GNE: variants seen among roughly 807,000 people sequenced by gnomAD.
GNE encodes glucosamine (UDP-N-acetyl)-2-epimerase/N-acetylmannosamine kinase, also known as bifunctional UDP-N-acetylglucosamine 2-epimerase/N-acetylmannosamine kinase.
GNE carries 41 observed loss-of-function variants against 61.8 expected under a neutral mutation model. The observed-to-expected ratio is 0.66, with a 90% CI of 0.52 to 0.86. The LOEUF is 0.86. Ranked by LOEUF, GNE falls within the 40% of genes least tolerant of loss-of-function variation. GNE has a pLI of 0.00. For synonymous variants in GNE, 264 were observed against 326.4 expected, an observed-to-expected ratio of 0.81 and a Z score of 2.06; for missense variants, 608 against 909.1, an observed-to-expected ratio of 0.67 and a Z score of 4.26.
intron 7 of GNE, among the ~76,000 whole-genome samples, chr9:36,224,261 G>A (rs1481780366): frequency 6.6e-6 from 1 of 151,752 alleles, no homozygotes; most frequent in Non-Finnish European, 1.5e-5. Context: ...GGGAGGTACA[G>A]TGAGACCTCC....
At chr9:36,260,665 CGAG>C (rs1443456546), upstream of GNE, among the ~76,000 whole-genome samples, 18 of 151,806 alleles carry the variant, frequency 1.2e-4, no homozygotes, top group African/African-American at 4.3e-4. Context: ...GTGAGGAGAT[CGAG>C]ACCATCCTGG....
chr9:36,254,494 C>T (rs989020365), intron 1 of GNE, among the ~76,000 whole-genome samples: 9 of 151,226 alleles, frequency 6.0e-5, no homozygotes, highest in South Asian at 2.1e-4. Context: ...ATCATGCCAC[C>T]GCACTCCAGC....
rs765273839 is a variant in GNE at position 36,234,082 on chromosome 9, G to C, written c.820C>G (p.Pro274Ala). The C allele has an allele frequency of 2.0e-5, 33 of 1,613,984 alleles. No individual in the cohort carries two copies. The highest frequency in any genetic ancestry group is 2.8e-5 in the Non-Finnish European group (33 of 1,179,960). Residue 274 changes from proline to alanine, a missense_variant, in exon 5 of 12, where the codon CCC becomes GCC. Coordinates refer to ENST00000642385, the MANE Select transcript of GNE (RefSeq NM_005476.7). ...ACGTGTTTAACTGCACGAAAGTTGGGATGATGCTCAATGCCCTTCTTCCGC... is the reference window on the plus strand; with the variant it reads ...ACGTGTTTAACTGCACGAAAGTTGGCATGATGCTCAATGCCCTTCTTCCGC... ...VMRKKGIEHH[P>A]NFRAVKHVPF...
intron 5 of GNE, among the ~76,000 whole-genome samples, chr9:36,233,678 A>G (rs1204705713): frequency 1.3e-5 from 2 of 152,134 alleles, no homozygotes; most frequent in East Asian, 3.9e-4. Flanking sequence ...AAAAAAAAAA[A>G]AGAAAGAACC....
chr9:36,264,732 C>T (rs1311261334), intron 1 of GNE, among the ~76,000 whole-genome samples: 1 of 152,124 alleles, frequency 6.6e-6, no homozygotes, highest in Non-Finnish European at 1.5e-5. Flanking sequence ...TTAGCTCACA[C>T]CCGACCAATC....
intron 1 of GNE, chr9:36,265,613 C>A: frequency 2.8e-6 from 1 of 353,584 alleles, no homozygotes; most frequent in Non-Finnish European, 6.0e-6. Flanking sequence ...AGCCACAACA[C>A]TTTTAATTAC....
At chr9:36,249,764 G>A (rs1253998945) in intron 1 of GNE, among the ~76,000 whole-genome samples, 9 of 152,038 alleles carry the variant, frequency 5.9e-5, no homozygotes, top group African/African-American at 2.2e-4. Context: ...GGTACCTGTA[G>A]TCCCAGCTAC....
rs1830020596 is a variant in GNE, at chr9:36,249,255, G to A, written c.101C>T (p.Thr34Ile). 3 of 1,614,074 alleles carry A rather than the reference G, an allele frequency of 1.9e-6. No homozygotes were observed. Among genetic ancestry groups the A allele is most frequent in the African/African-American group, 1.3e-5 (1 of 74,938 alleles). ...ATCAAGTTCAAAGAACTCAGGTTCG[G>A]TTTTAATGCCAAACATGATCGGGGC... ...KLAPIMFGIKTEPEFFELDVV... is the reference protein window; with the variant it reads ...KLAPIMFGIKIEPEFFELDVV... Residue 34 changes from threonine to isoleucine, a missense_variant, in exon 2 of 12, where the codon ACC becomes ATC. By Grantham distance (89) the Thr-to-Ile change is moderately conservative (BLOSUM62 -1). Transcript: ENST00000642385.
chr9:36,239,800 A>G (rs143164629), intron 3 of GNE, among the ~76,000 whole-genome samples: 56 of 152,106 alleles, frequency 3.7e-4, no homozygotes, highest in African/African-American at 1.3e-3. Flanking sequence ...GTGTTTTGTA[A>G]TATCCCTTGT....
At chr9:36,259,506 T>A (rs558277668), upstream of GNE, among the ~76,000 whole-genome samples, 9 of 152,356 alleles carry the variant, frequency 5.9e-5, no homozygotes, top group Non-Finnish European at 1.3e-4. Flanking sequence ...CAGTTTGTGA[T>A]GCATTTCAAT....
intron 5 of GNE, among the ~76,000 whole-genome samples, chr9:36,232,180 T>C (rs562630536): frequency 2.4e-4 from 36 of 152,274 alleles, no homozygotes; most frequent in Non-Finnish European, 4.1e-4. Context: ...TGTTGATTCC[T>C]TTCACCTCCG....
chr9:36,270,752 C>T (rs1261901586), intron 1 of GNE, among the ~76,000 whole-genome samples: 3 of 151,954 alleles, frequency 2.0e-5, no homozygotes, highest in African/African-American at 4.8e-5. Flanking sequence ...CTCCTGACCT[C>T]GTGATCCGCC....
chr9:36,248,004 C>G (rs1038356579), intron 2 of GNE, among the ~76,000 whole-genome samples: 5 of 101,762 alleles, frequency 4.9e-5, no homozygotes, highest in African/African-American at 2.0e-4. Flanking sequence ...CCAGCCTGGG[C>G]AACAAGAGCA....
intron 4 of GNE, among the ~76,000 whole-genome samples, chr9:36,234,721 C>T (rs1829321859): frequency 6.6e-6 from 1 of 152,156 alleles, no homozygotes; most frequent in South Asian, 2.1e-4. Context: ...TCTCAACTGA[C>T]CCCCTCCTAA....
At chr9:36,263,799 C>T (rs1830683010) in intron 1 of GNE, among the ~76,000 whole-genome samples, 1 of 152,176 alleles carries the variant, frequency 6.6e-6, no homozygotes, top group African/African-American at 2.4e-5. Context: ...CACCTGTGCC[C>T]ATAGGCTGCC....
At chr9:36,256,658 C>T (rs1830364262) in intron 1 of GNE, among the ~76,000 whole-genome samples, 2 of 152,096 alleles carry the variant, frequency 1.3e-5, no homozygotes, top group Admixed American at 6.6e-5. Flanking sequence ...CCCACTCAAC[C>T]GTGGAAAGAG....
upstream of GNE, among the ~76,000 whole-genome samples, chr9:36,259,466 G>A (rs116218910): frequency 4.1e-4 from 62 of 152,204 alleles, no homozygotes; most frequent in African/African-American, 1.4e-3. Context: ...ATTTCTTGCT[G>A]TACAGCAAAT....
chr9:36,263,763 G>A (rs192131108), intron 1 of GNE, among the ~76,000 whole-genome samples: 3 of 152,292 alleles, frequency 2.0e-5, no homozygotes, highest in Admixed American at 1.3e-4. Flanking sequence ...AGTAAAAACC[G>A]TCACTAAATG....
rs1828198732 is a variant in GNE at position 36,214,913 on chromosome 9, T to A, written c.*2452A>T. On this transcript the variant is annotated 3_prime_UTR_variant, in exon 12 of 12. Coordinates refer to ENST00000642385, the MANE Select transcript of GNE (RefSeq NM_005476.7). ...GATATAGTTCAAATGTAATGTTGAG[T>A]CCTTCAGTTTATTTGAACACTGAAA... 1 of 152,190 alleles carries A rather than the reference T, an allele frequency of 6.6e-6. No individual in the cohort carries two copies. Among genetic ancestry groups the A allele is most frequent in the African/African-American group, 2.4e-5 (1 of 41,430 alleles). 9.4% of individuals were successfully genotyped at this position (152,190 alleles called of 1,614,324 possible). A position where few individuals can be genotyped will look rare whatever the true frequency, so the allele number is the denominator to read the frequency against.
Sources: gnomAD v4.1 joint callset for allele counts (sites outside exome capture counted in the v4.1 genomes callset) on GRCh38, gnomAD v4.1.1 for gene constraint, MANE v1.5 for transcripts, NCBI Gene and HGNC (gene_info 2026-07-23, HGNC 2026-07-21) for gene names.